CCDC125: variants seen among roughly 807,000 people sequenced by gnomAD.
CCDC125 encodes the protein coiled-coil domain-containing protein 125.
A neutral mutation model predicts 57.4 loss-of-function variants in CCDC125; 43 were observed. That is an observed-to-expected ratio of 0.75 (90% CI 0.59 to 0.97). CCDC125 has a LOEUF of 0.97. Among genes scored for constraint, CCDC125 ranks in the 50% least tolerant of loss-of-function variants. The pLI is 0.00. For missense variants in CCDC125, 563 were observed against 595.7 expected, an observed-to-expected ratio of 0.95 and a Z score of 0.57; for synonymous variants, 187 against 195.2, an observed-to-expected ratio of 0.96 and a Z score of 0.35.
chr5:69,321,993 T>C (rs528479716), intron 1 of CCDC125, among the ~76,000 whole-genome samples: 231 of 151,914 alleles, frequency 1.5e-3, no homozygotes, highest in Middle Eastern at 0.014. Flanking sequence ...TGCGCCACCA[T>C]GCCCGGCTAA....
At position 69,289,022 on chromosome 5, in the gene CCDC125, G is replaced by C. The variant is rs1753972657; in HGVS notation, c.1099+3166C>G. On this transcript the variant is annotated intron_variant, in intron 10 of 11. Transcript: ENST00000396496. ...TATTCTCAAGTGCTGAAATGAGTAT[G>C]AATCTAGCTCTTGAGAAAAATGCAG... 2.0e-5 allele frequency among the ~76,000 whole-genome samples: 3 copies of C among 152,348 alleles called. No homozygotes were observed. The South Asian group carries it at 6.2e-4, about 32-fold the overall frequency.
chr5:69,330,498 G>A (rs1761281309), intron 1 of CCDC125, among the ~76,000 whole-genome samples: 1 of 151,988 alleles, frequency 6.6e-6, no homozygotes, highest in East Asian at 1.9e-4. Flanking sequence ...GGAGGCTGAG[G>A]CAGGAGAATC....
Position 69,282,710 on chromosome 5 carries a change from A to G in CCDC125, c.*19T>C, listed in dbSNP as rs372457894. 5.7e-5 allele frequency: 88 copies of G among 1,547,214 alleles called. No homozygotes were observed. The highest frequency in any genetic ancestry group is 3.5e-4 in the Middle Eastern group (2 of 5,732). On this transcript the variant is annotated 3_prime_UTR_variant, in exon 12 of 12. Coordinates refer to ENST00000396496, the MANE Select transcript of CCDC125 (RefSeq NM_176816.5). ...CTCGATATAAACAACTCTCAGTTCCAATTTCAACTGGCTTGTCTTTAAAAT... is the reference window on the plus strand; with the variant it reads ...CTCGATATAAACAACTCTCAGTTCCGATTTCAACTGGCTTGTCTTTAAAAT...
intron 2 of CCDC125, among the ~76,000 whole-genome samples, chr5:69,315,014 C>T (rs1233351639): frequency 6.6e-6 from 1 of 150,698 alleles, no homozygotes; most frequent in African/African-American, 2.4e-5. Flanking sequence ...CCAGCACTTT[C>T]GGAGGCCAAG....
chr5:69,311,710 G>A (rs1284511238), intron 3 of CCDC125, among the ~76,000 whole-genome samples: 1 of 150,398 alleles, frequency 6.6e-6, no homozygotes, highest in Admixed American at 6.7e-5. Flanking sequence ...CAGCTACTCC[G>A]GAGGCTGAGG....
At position 69,320,584 on chromosome 5, in the gene CCDC125, T is replaced by C; in HGVS notation, c.-40-4A>G. 7.2e-7 allele frequency: 1 copy of C among 1,382,156 alleles called. No individual in the cohort carries two copies. Among genetic ancestry groups the C allele is most frequent in the Non-Finnish European group, 1.0e-6 (1 of 1,001,934 alleles). The allele number at this position is 1,382,156 out of a possible 1,614,324, so 85.6% of individuals were successfully genotyped here. ...ATCATAAGAAAAAATGGGCTGTCTG[T>C]AGTTAAGAAAAACAGTAGTTAGGAA... On this transcript the variant is annotated splice_region_variant and splice_polypyrimidine_tract_variant and intron_variant, in intron 1 of 11. Transcript: ENST00000396496.
At chr5:69,304,179 A>C (rs1464979479) in intron 6 of CCDC125, among the ~76,000 whole-genome samples, 1 of 150,220 alleles carries the variant, frequency 6.7e-6, no homozygotes, top group Non-Finnish European at 1.5e-5. Flanking sequence ...ATCTCAGCTC[A>C]CTGCAACCTC....
At chr5:69,309,739 T>A (rs569285671) in intron 4 of CCDC125, 1 of 152,376 alleles carries the variant, frequency 6.6e-6, no homozygotes, top group Non-Finnish European at 1.5e-5. Context: ...GATCCACCCA[T>A]GGCTTACACT....
chr5:69,277,124 C>T (rs1752238480), downstream of CCDC125: 1 of 1,595,864 alleles, frequency 6.3e-7, no homozygotes, highest in Non-Finnish European at 8.5e-7. Flanking sequence ...GCCCAAGAAA[C>T]TAATTTTTTA....
intron 9 of CCDC125, among the ~76,000 whole-genome samples, chr5:69,292,599 C>G (rs563656674): frequency 6.6e-6 from 1 of 152,124 alleles, no homozygotes; most frequent in Non-Finnish European, 1.5e-5. Flanking sequence ...CTAACCTAAC[C>G]CCTGGACCTC....
intron 11 of CCDC125, 79 bp downstream of exon 11, chr5:69,285,258 G>A: frequency 6.8e-7 from 1 of 1,462,278 alleles, no homozygotes; most frequent in Non-Finnish European, 9.4e-7. Context: ...AGCTGTTCTG[G>A]GCTGCATGCT....
At chr5:69,328,782 A>G (rs1240652385) in intron 1 of CCDC125, among the ~76,000 whole-genome samples, 2 of 151,518 alleles carry the variant, frequency 1.3e-5, no homozygotes, top group Non-Finnish European at 2.9e-5. Flanking sequence ...GTTCCTTCAT[A>G]CTTTATACGT....
At chr5:69,306,518 G>C (rs1221517903) in intron 6 of CCDC125, among the ~76,000 whole-genome samples, 3 of 152,018 alleles carry the variant, frequency 2.0e-5, no homozygotes, top group Non-Finnish European at 4.4e-5. Context: ...TGTAGAGATA[G>C]GGTTTCAACA....
intron 7 of CCDC125, among the ~76,000 whole-genome samples, chr5:69,301,757 C>T (rs1390250815): frequency 6.7e-6 from 1 of 149,322 alleles, no homozygotes; most frequent in Non-Finnish European, 1.5e-5. Context: ...GAAATCTGGG[C>T]ATGGTGGTGG....
At chr5:69,327,914 TAA>T (rs1422827756) in intron 1 of CCDC125, among the ~76,000 whole-genome samples, 1 of 152,340 alleles carries the variant, frequency 6.6e-6, no homozygotes, top group East Asian at 1.9e-4. Context: ...TTGCTAGGAA[TAA>T]AAGTGTCCTT....
chr5:69,320,051 G>T (rs998899945), intron 2 of CCDC125, among the ~76,000 whole-genome samples, 186 bp downstream of exon 2: 1 of 152,102 alleles, frequency 6.6e-6, no homozygotes, highest in Admixed American at 6.5e-5. Flanking sequence ...AACCCGGGGG[G>T]TGGAGGTTGC....
At chr5:69,274,868 G>T in the CCDC125 span, among the ~76,000 whole-genome samples, 1 of 151,982 alleles carries the variant, frequency 6.6e-6, no homozygotes, top group South Asian at 2.1e-4. Flanking sequence ...CATCTGCCTC[G>T]GCCTCCCAAA....
rs1579911337 is a variant in CCDC125 at position 69,280,963 on chromosome 5, G to A, written c.*1766C>T. ...CAACAGGTGCATGCCACCATGCCTT[G>A]CCGAGTTTTTGTATAGATGGGGTTT... On this transcript the variant is annotated 3_prime_UTR_variant, in exon 12 of 12. Transcript: ENST00000396496. 1 of 152,416 alleles carries A rather than the reference G, an allele frequency of 6.6e-6. No homozygotes were observed. Among genetic ancestry groups the A allele is most frequent in the Non-Finnish European group, 1.5e-5 (1 of 68,176 alleles). The allele number at this position is 152,416 out of a possible 1,614,324, so 9.4% of individuals were successfully genotyped here.
At chr5:69,331,254 ACAGC>A (rs1288965513) in intron 1 of CCDC125, among the ~76,000 whole-genome samples, 5 of 151,816 alleles carry the variant, frequency 3.3e-5, no homozygotes, top group African/African-American at 9.7e-5. Flanking sequence ...GTGAGCTGAG[ACAGC>A]ACTATTGTCT....
Sources: allele counts gnomAD v4.1 joint callset (sites outside exome capture counted in the v4.1 genomes callset), GRCh38; gene constraint gnomAD v4.1.1; transcripts MANE v1.5; gene names NCBI Gene and HGNC (gene_info 2026-07-23, HGNC 2026-07-21).